DNAJC3: variants seen among roughly 807,000 people sequenced by gnomAD.
The protein encoded by DNAJC3 is DnaJ heat shock protein family (Hsp40) member C3.
DNAJC3 carries 38 observed loss-of-function variants against 68.6 expected under a neutral mutation model. The ratio of observed to expected loss-of-function variants is 0.55; its 90% CI spans 0.43 to 0.73. The LOEUF is 0.73. DNAJC3 is among the 30% of genes least tolerant of loss of function. The pLI is 0.00. For missense variants in DNAJC3, 526 were observed against 591.9 expected, an observed-to-expected ratio of 0.89 and a Z score of 1.16; for synonymous variants, 203 against 204.0, an observed-to-expected ratio of 1.00 and a Z score of 0.04.
chr13:95,752,725 A>T (rs1408013417), intron 4 of DNAJC3, among the ~76,000 whole-genome samples: 1 of 152,134 alleles, frequency 6.6e-6, no homozygotes, highest in Non-Finnish European at 1.5e-5. Flanking sequence ...TTATCCATAC[A>T]TGCTTTTGTA....
At chr13:95,779,567 C>A (rs1883393593) in intron 9 of DNAJC3, among the ~76,000 whole-genome samples, 1 of 152,022 alleles carries the variant, frequency 6.6e-6, no homozygotes, top group African/African-American at 2.4e-5. Context: ...TTTGTTAGAT[C>A]CTTCATTTTT....
At chr13:95,731,941 T>A (rs1881730684) in intron 4 of DNAJC3, among the ~76,000 whole-genome samples, 1 of 151,122 alleles carries the variant, frequency 6.6e-6, no homozygotes, top group African/African-American at 2.4e-5. Flanking sequence ...GGTCGCACTT[T>A]GTTGCACAGG....
At chr13:95,787,594 C>T (rs1274475706) in intron 11 of DNAJC3, among the ~76,000 whole-genome samples, 1 of 151,864 alleles carries the variant, frequency 6.6e-6, no homozygotes, top group African/African-American at 2.4e-5. Flanking sequence ...GGCCTAGGGC[C>T]TGCTTTGCCC....
chr13:95,759,731 T>C (rs1369965373), intron 5 of DNAJC3, among the ~76,000 whole-genome samples: 2 of 152,232 alleles, frequency 1.3e-5, no homozygotes, highest in Non-Finnish European at 2.9e-5. Flanking sequence ...TAGTAAATGC[T>C]ATGTTTTCTT....
intron 1 of DNAJC3, among the ~76,000 whole-genome samples, chr13:95,700,116 A>G (rs866725967): frequency 2.7e-4 from 41 of 152,030 alleles, no homozygotes; most frequent in African/African-American, 9.9e-4. Context: ...CAACTGGCCT[A>G]CTTTTATTGT....
chr13:95,723,431 C>A, intron 3 of DNAJC3, 65 bp downstream of exon 3: 1 of 1,555,086 alleles, frequency 6.4e-7, no homozygotes, highest in Non-Finnish European at 8.7e-7. Context: ...TAATTTGTTT[C>A]ATAAGGTGAG....
At chr13:95,780,142 C>G (rs2139692302) in intron 9 of DNAJC3, among the ~76,000 whole-genome samples, 1 of 152,320 alleles carries the variant, frequency 6.6e-6, no homozygotes, top group South Asian at 2.1e-4. Context: ...CTGTATAGCC[C>G]TGCCCTCTCT....
intron 4 of DNAJC3, among the ~76,000 whole-genome samples, chr13:95,750,395 C>G (rs1167865001): frequency 6.6e-6 from 1 of 152,064 alleles, no homozygotes; most frequent in Non-Finnish European, 1.5e-5. Context: ...AGAAAGCTCT[C>G]AATAAGTGTT....
chr13:95,717,837 A>T (rs1189516825), intron 2 of DNAJC3, among the ~76,000 whole-genome samples: 1 of 152,092 alleles, frequency 6.6e-6, no homozygotes, highest in African/African-American at 2.4e-5. Context: ...CTCTTTTTTT[A>T]AAAAAATACC....
At chr13:95,690,302 G>A (rs1312503899) in intron 1 of DNAJC3, among the ~76,000 whole-genome samples, 1 of 151,946 alleles carries the variant, frequency 6.6e-6, no homozygotes, top group Non-Finnish European at 1.5e-5. Context: ...AGGGTTGGGG[G>A]TAAGGTCACA....
chr13:95,771,031 T>C (rs983483869), intron 9 of DNAJC3, among the ~76,000 whole-genome samples: 2 of 152,184 alleles, frequency 1.3e-5, no homozygotes, highest in Non-Finnish European at 2.9e-5. Flanking sequence ...ATACAGATAC[T>C]GAAGTTAACA....
intron 1 of DNAJC3, among the ~76,000 whole-genome samples, chr13:95,687,286 G>A (rs1482567887): frequency 6.6e-6 from 1 of 151,816 alleles, no homozygotes; most frequent in East Asian, 1.9e-4. Flanking sequence ...AATCTTTAGG[G>A]TTTTCTAGGT....
intron 1 of DNAJC3, among the ~76,000 whole-genome samples, chr13:95,682,132 A>T (rs770490885): frequency 6.6e-6 from 1 of 152,224 alleles, no homozygotes; most frequent in Non-Finnish European, 1.5e-5. Flanking sequence ...GAACATTCAG[A>T]TAATAGTAGA....
intron 4 of DNAJC3, among the ~76,000 whole-genome samples, chr13:95,739,956 G>C (rs1370638616): frequency 6.6e-6 from 1 of 152,072 alleles, no homozygotes; most frequent in Non-Finnish European, 1.5e-5. Context: ...TCTACTTTTG[G>C]TCTTTGATGA....
At chr13:95,742,596 A>G (rs1203835195) in intron 4 of DNAJC3, 1 of 484,370 alleles carries the variant, frequency 2.1e-6, no homozygotes, top group Non-Finnish European at 4.1e-6. Context: ...ATCCCAGCCA[A>G]GCAGGCTGCC....
intron 1 of DNAJC3, among the ~76,000 whole-genome samples, chr13:95,696,697 G>T (rs1880449535): frequency 6.6e-6 from 1 of 151,496 alleles, no homozygotes; most frequent in Non-Finnish European, 1.5e-5. Context: ...GAGTCTATAG[G>T]TGTCTTTAGC....
rs201634821 is a variant in DNAJC3 at position 95,723,385 on chromosome 13, T to C, written c.318+19T>C. Reference sequence around the variant, plus strand: ...CACTGCAGTAAGTATATCTCAACTTTCTTTAAAGGGGAACTTAACAGAACT... The same window carrying C: ...CACTGCAGTAAGTATATCTCAACTTCCTTTAAAGGGGAACTTAACAGAACT... On this transcript the variant is annotated intron_variant, in intron 3 of 11. Coordinates refer to ENST00000602402, the MANE Select transcript of DNAJC3 (RefSeq NM_006260.5). 45 of 1,601,608 alleles carry C rather than the reference T, an allele frequency of 2.8e-5. No individual in the cohort carries two copies. In the East Asian group the frequency reaches 3.8e-4, roughly 14 times the overall value.
chr13:95,720,684 A>C (rs1244527602), intron 2 of DNAJC3, among the ~76,000 whole-genome samples: 2 of 152,192 alleles, frequency 1.3e-5, no homozygotes, highest in Non-Finnish European at 2.9e-5. Flanking sequence ...TTTTGTAAGA[A>C]ATATCCTATA....
chr13:95,749,943 G>C (rs1023653604), intron 4 of DNAJC3, among the ~76,000 whole-genome samples: 2 of 152,068 alleles, frequency 1.3e-5, no homozygotes, highest in African/African-American at 4.8e-5. Flanking sequence ...CCAGCTACTC[G>C]GGAGGCTGAG....
Sources: gnomAD v4.1 joint callset for allele counts (sites outside exome capture counted in the v4.1 genomes callset) on GRCh38, gnomAD v4.1.1 for gene constraint, MANE v1.5 for transcripts, NCBI Gene and HGNC (gene_info 2026-07-23, HGNC 2026-07-21) for gene names.